Variants in CFAP61 observed in about 807,000 individuals in gnomAD.
CFAP61 encodes cilia- and flagella-associated protein 61.
Under a neutral mutation model 135.6 loss-of-function variants are expected in CFAP61, and 107 were observed. The ratio of observed to expected loss-of-function variants is 0.79; its 90% CI spans 0.67 to 0.93. The LOEUF (loss-of-function observed/expected upper bound fraction) is 0.93, where lower values mean the gene tolerates loss of function less well. CFAP61 is among the 40% of genes least tolerant of loss of function. The probability of loss-of-function intolerance (pLI) is 0.00; values close to 1 mark genes in which losing one functional copy is unlikely to be tolerated. For missense variants in CFAP61, 1,507 were observed against 1,556.2 expected (o/e 0.97, Z 0.53); for synonymous variants, 575 against 578.5 (o/e 0.99, Z 0.09).
At chr20:20,348,034 C>T (rs2058696785) in intron 26 of CFAP61, among the ~76,000 whole-genome samples, 1 of 151,102 alleles carries the variant, frequency 6.6e-6, no homozygotes, top group Admixed American at 6.6e-5. Context: ...AATCAATAAT[C>T]AAAAACCTCA....
Position 20,298,398 on chromosome 20 carries a change from A to G in CFAP61, c.3422+12A>G. 6.2e-7 allele frequency: 1 copy of G among 1,604,002 alleles called. No homozygotes were observed. Among genetic ancestry groups the G allele is most frequent in the South Asian group, 1.1e-5 (1 of 90,762 alleles). ...ACAGATCTCTATAGGTGAGTTGGAC[A>G]TTGCATTTGACTACAGGGAAATACA... On this transcript the variant is annotated intron_variant, in intron 25 of 26. Coordinates refer to ENST00000245957, the MANE Select transcript of CFAP61 (RefSeq NM_015585.4).
intron 22 of CFAP61, among the ~76,000 whole-genome samples, chr20:20,284,311 A>T (rs2054421275): frequency 6.8e-6 from 1 of 147,168 alleles, no homozygotes; most frequent in Admixed American, 6.8e-5. Context: ...TTTGAGATGG[A>T]GTCTCGCTTT....
chr20:20,244,687 G>A (rs868632904), intron 18 of CFAP61, among the ~76,000 whole-genome samples: 1 of 152,150 alleles, frequency 6.6e-6, no homozygotes, highest in Non-Finnish European at 1.5e-5. Context: ...ATTAACATTC[G>A]GCTCCTTGTT....
intron 25 of CFAP61, among the ~76,000 whole-genome samples, chr20:20,339,763 A>T (rs568476440): frequency 6.6e-6 from 1 of 152,262 alleles, no homozygotes; most frequent in South Asian, 2.1e-4. Context: ...GATTGTAGGC[A>T]TGACACATCA....
chr20:20,349,572 G>T (rs2058757087), intron 26 of CFAP61, among the ~76,000 whole-genome samples: 1 of 151,566 alleles, frequency 6.6e-6, no homozygotes, highest in Non-Finnish European at 1.5e-5. Context: ...GAGTTGAAGG[G>T]AAAAAAACAT....
At chr20:20,119,452 G>A (rs2049439148) in intron 8 of CFAP61, among the ~76,000 whole-genome samples, 1 of 151,922 alleles carries the variant, frequency 6.6e-6, no homozygotes, top group Admixed American at 6.6e-5. Flanking sequence ...TGTGGTCTTA[G>A]TTGTTATATT....
At chr20:20,208,397 T>A (rs1160173273) in intron 17 of CFAP61, among the ~76,000 whole-genome samples, 1 of 152,182 alleles carries the variant, frequency 6.6e-6, no homozygotes, top group Non-Finnish European at 1.5e-5. Flanking sequence ...TATGTAATAA[T>A]CAAAATTCAA....
rs2053839128 is a variant in CFAP61 at position 20,166,452 on chromosome 20, A to G, written c.1245+16A>G. ...TCTTTTTTCTGTAAGTACATGCTGA[A>G]TTTTGAGAACTGATTTTGTAAGCTT... On this transcript the variant is annotated intron_variant, in intron 12 of 26. Coordinates refer to ENST00000245957, the MANE Select transcript of CFAP61 (RefSeq NM_015585.4). The G allele has an allele frequency of 1.2e-6, 2 of 1,602,484 alleles. No homozygotes were observed. The highest frequency in any genetic ancestry group is 1.6e-4 in the Middle Eastern group (1 of 6,064).
chr20:20,268,614 TATTAG>T (rs2053005756), intron 21 of CFAP61, among the ~76,000 whole-genome samples: 1 of 152,198 alleles, frequency 6.6e-6, no homozygotes, highest in African/African-American at 2.4e-5. Flanking sequence ...TACCCTAAAC[TATTAG>T]AACTGCTCTA....
chr20:20,110,340 A>G (rs1288156599), intron 8 of CFAP61, among the ~76,000 whole-genome samples: 4 of 152,042 alleles, frequency 2.6e-5, no homozygotes, highest in African/African-American at 7.2e-5. Context: ...TAAGCTCTTC[A>G]TTTCCCCCAT....
chr20:20,285,388 C>A (rs940430962), intron 22 of CFAP61, among the ~76,000 whole-genome samples: 28 of 151,654 alleles, frequency 1.8e-4, no homozygotes, highest in African/African-American at 6.1e-4. Context: ...TCTTTCTTAC[C>A]CTATTCTTCT....
chr20:20,106,033 TATATATATATATATATA>T (rs2048379907), intron 8 of CFAP61, among the ~76,000 whole-genome samples: 1 of 101,768 alleles, frequency 9.8e-6, no homozygotes. Flanking sequence ...TATATATATA[TATATATATATATATATA>T]AAATTTGATT....
intron 7 of CFAP61, among the ~76,000 whole-genome samples, chr20:20,097,128 A>G (rs2047641419): frequency 1.3e-5 from 2 of 151,602 alleles, no homozygotes; most frequent in South Asian, 4.2e-4. Flanking sequence ...TCATTTAAAA[A>G]ACTGAGTATT....
At chr20:20,319,137 T>A (rs1392518975) in intron 25 of CFAP61, among the ~76,000 whole-genome samples, 1 of 152,220 alleles carries the variant, frequency 6.6e-6, no homozygotes, top group Non-Finnish European at 1.5e-5. Flanking sequence ...TCTCCTAGCG[T>A]GAAGCAGTGG....
intron 25 of CFAP61, among the ~76,000 whole-genome samples, chr20:20,300,962 C>T (rs2056044171): frequency 2.0e-5 from 3 of 151,842 alleles, no homozygotes; most frequent in African/African-American, 4.8e-5. Context: ...AAAGTTGAAA[C>T]AAAATAAGAT....
Position 20,343,149 on chromosome 20 carries a change from G to A in CFAP61, c.3513+1228G>A, listed in dbSNP as rs116026905. ...TGGGATTACAGGCGTGAGCCATCGC[G>A]CCCGACCAGCTTAGAGATTTTAAAT... is the stretch of plus-strand genomic sequence containing the variant. On this transcript the variant is annotated intron_variant, in intron 26 of 26. Coordinates refer to ENST00000245957, the MANE Select transcript of CFAP61 (RefSeq NM_015585.4). 6.4e-3 allele frequency among the ~76,000 whole-genome samples: 972 copies of A among 152,202 alleles called. 15 individuals carry two copies. The highest frequency in any genetic ancestry group is 0.023 in the African/African-American group (936 of 41,514).
intron 24 of CFAP61, among the ~76,000 whole-genome samples, chr20:20,292,750 G>C (rs915220951): frequency 6.6e-6 from 1 of 152,162 alleles, no homozygotes; most frequent in Non-Finnish European, 1.5e-5. Context: ...TGGCCTCAGA[G>C]TAGCCAGACT....
chr20:20,085,809 G>A (rs923042725), intron 6 of CFAP61, among the ~76,000 whole-genome samples: 1 of 152,170 alleles, frequency 6.6e-6, no homozygotes, highest in African/African-American at 2.4e-5. Flanking sequence ...CAAAACGTTT[G>A]AAAATGGATT....
At chr20:20,308,531 G>T (rs2056617803) in intron 25 of CFAP61, among the ~76,000 whole-genome samples, 1 of 152,086 alleles carries the variant, frequency 6.6e-6, no homozygotes, top group South Asian at 2.1e-4. Context: ...GCCTTGCAAG[G>T]GACACTCGGC....
Sources: allele counts gnomAD v4.1 joint callset (sites outside exome capture counted in the v4.1 genomes callset), GRCh38; gene constraint gnomAD v4.1.1; transcripts MANE v1.5; gene names NCBI Gene and HGNC (gene_info 2026-07-23, HGNC 2026-07-21).